The following GALNTL6 variants were observed in gnomAD, a reference collection of about 807,000 sequenced individuals.
GALNTL6 encodes polypeptide N-acetylgalactosaminyltransferase-like 6.
A neutral mutation model predicts 73.7 loss-of-function variants in GALNTL6; 46 were observed. That is an observed-to-expected ratio of 0.62 (90% CI 0.49 to 0.80). The LOEUF (loss-of-function observed/expected upper bound fraction) is 0.80. Among genes scored for constraint, GALNTL6 ranks in the 30% least tolerant of loss-of-function variants. GALNTL6 has a pLI of 0.00. For synonymous variants in GALNTL6, 259 were observed against 263.7 expected (o/e 0.98, Z 0.17); for missense variants, 604 against 755.0 (o/e 0.80, Z 2.34).
chr4:172,375,511 T>C (rs1176772238), intron 5 of GALNTL6, among the ~76,000 whole-genome samples: 1 of 152,166 alleles, frequency 6.6e-6, no homozygotes, highest in Non-Finnish European at 1.5e-5. Flanking sequence ...GTTTCTACCC[T>C]TGCCCAAGAA....
intron 5 of GALNTL6, among the ~76,000 whole-genome samples, chr4:172,651,288 A>G (rs1740465707): frequency 6.6e-6 from 1 of 152,222 alleles, no homozygotes; most frequent in Non-Finnish European, 1.5e-5. Context: ...AGTTCTATAA[A>G]AGGGAAATGA....
intron 4 of GALNTL6, 41 bp downstream of exon 4, chr4:172,311,793 G>C: frequency 7.2e-7 from 1 of 1,394,966 alleles, no homozygotes; most frequent in Non-Finnish European, 9.5e-7. Flanking sequence ...GGTTTTTTTG[G>C]TTTTTTTTGT....
At chr4:172,848,124 G>A (rs1468394781) in intron 7 of GALNTL6, among the ~76,000 whole-genome samples, 2 of 152,096 alleles carry the variant, frequency 1.3e-5, no homozygotes, top group Non-Finnish European at 2.9e-5. Flanking sequence ...CAAATGACTT[G>A]GCTTCTTCTC....
chr4:172,648,899 G>T (rs1484058016), intron 5 of GALNTL6, among the ~76,000 whole-genome samples: 2 of 152,014 alleles, frequency 1.3e-5, no homozygotes, highest in African/African-American at 4.8e-5. Flanking sequence ...CCTGTGAATG[G>T]GGCTGTCCCT....
chr4:172,143,194 A>G (rs1263799956), intron 2 of GALNTL6, among the ~76,000 whole-genome samples: 1 of 151,912 alleles, frequency 6.6e-6, no homozygotes, highest in Non-Finnish European at 1.5e-5. Context: ...TGTGGCTGGT[A>G]TATTTGCTTT....
intron 3 of GALNTL6, among the ~76,000 whole-genome samples, chr4:172,288,050 G>A (rs1165834721): frequency 6.6e-6 from 1 of 151,896 alleles, no homozygotes; most frequent in Admixed American, 6.6e-5. Context: ...GAATTATTCT[G>A]CTGTTTCCCA....
chr4:172,985,281 C>T (rs1442891406), intron 10 of GALNTL6, among the ~76,000 whole-genome samples: 2 of 151,850 alleles, frequency 1.3e-5, no homozygotes, highest in African/African-American at 4.8e-5. Context: ...CAATAAATTC[C>T]TTTTAAATTG....
chr4:172,388,662 T>C (rs1298013201), intron 5 of GALNTL6, among the ~76,000 whole-genome samples: 1 of 152,050 alleles, frequency 6.6e-6, no homozygotes, highest in Non-Finnish European at 1.5e-5. Context: ...CCACTCCCCA[T>C]AAGAGTAATT....
chr4:172,601,338 T>C (rs1485949319), intron 5 of GALNTL6, among the ~76,000 whole-genome samples: 2 of 152,156 alleles, frequency 1.3e-5, no homozygotes, highest in Non-Finnish European at 2.9e-5. Context: ...ACTAATGTGG[T>C]AGTGTTGGGA....
intron 2 of GALNTL6, among the ~76,000 whole-genome samples, chr4:172,143,129 C>T (rs1315635415): frequency 6.6e-6 from 1 of 151,954 alleles, no homozygotes; most frequent in Non-Finnish European, 1.5e-5. Flanking sequence ...ATTTAGGGTG[C>T]TTTATGAGGG....
intron 2 of GALNTL6, among the ~76,000 whole-genome samples, chr4:172,071,818 T>A (rs1731540186): frequency 6.6e-6 from 1 of 152,192 alleles, no homozygotes; most frequent in Non-Finnish European, 1.5e-5. Context: ...ATGCTCTGAT[T>A]GAGGACTATT....
At chr4:172,467,919 G>A (rs1171388601) in intron 5 of GALNTL6, among the ~76,000 whole-genome samples, 2 of 133,672 alleles carry the variant, frequency 1.5e-5, no homozygotes, top group Admixed American at 8.2e-5. Flanking sequence ...ACTTGAGGCA[G>A]GATCTTGCTC....
intron 4 of GALNTL6, among the ~76,000 whole-genome samples, chr4:172,344,054 A>C (rs997808266): frequency 5.3e-5 from 8 of 152,164 alleles, no homozygotes; most frequent in Non-Finnish European, 1.0e-4. Context: ...CTAGAAACCT[A>C]TTTCAACACG....
chr4:171,901,378 G>A lies in GALNTL6; in HGVS notation c.138+86660G>A, dbSNP rs567626438. Among the ~76,000 whole-genome samples the A allele has an allele frequency of 3.9e-5, 6 of 152,262 alleles. No homozygotes were observed. In the South Asian group the frequency reaches 1.2e-3, roughly 32 times the overall value. On this transcript the variant is annotated intron_variant, in intron 2 of 12. Coordinates refer to ENST00000506823, the MANE Select transcript of GALNTL6 (RefSeq NM_001034845.3). ...TGAAGAACATACATGAACCTTTCCA[G>A]TAGCAACTAGACACCTACCACCAGG...
chr4:172,362,415 T>G (rs1353114418), intron 5 of GALNTL6, among the ~76,000 whole-genome samples: 1 of 152,144 alleles, frequency 6.6e-6, no homozygotes, highest in Admixed American at 6.6e-5. Context: ...AATTTAATAT[T>G]GGACCCTCTC....
chr4:172,259,916 G>A (rs1057058527), intron 3 of GALNTL6, among the ~76,000 whole-genome samples: 11 of 151,660 alleles, frequency 7.3e-5, no homozygotes, highest in African/African-American at 2.4e-4. Context: ...TCAGTTGGCT[G>A]TAAGTGTTTG....
At chr4:171,818,579 A>T (rs1469697659) in intron 2 of GALNTL6, among the ~76,000 whole-genome samples, 1 of 151,098 alleles carries the variant, frequency 6.6e-6, no homozygotes, top group Non-Finnish European at 1.5e-5. Context: ...CCACATTAAA[A>T]AAAAAAAAAA....
intron 5 of GALNTL6, among the ~76,000 whole-genome samples, chr4:172,774,217 T>C (rs9992743): frequency 0.044 from 6,749 of 152,226 alleles, 263 homozygotes; most frequent in African/African-American, 0.1. Context: ...CAGCATAACA[T>C]ATGAATGAGG....
At chr4:172,234,849 T>C (rs1054201155) in intron 3 of GALNTL6, among the ~76,000 whole-genome samples, 6 of 152,176 alleles carry the variant, frequency 3.9e-5, no homozygotes, top group Non-Finnish European at 7.4e-5. Context: ...TACTTCATAA[T>C]TGTTTGTTGT....
Sources: gnomAD v4.1 joint callset for allele counts (sites outside exome capture counted in the v4.1 genomes callset) on GRCh38, gnomAD v4.1.1 for gene constraint, MANE v1.5 for transcripts, NCBI Gene and HGNC (gene_info 2026-07-23, HGNC 2026-07-21) for gene names.